Variants in GRID2 observed in about 807,000 individuals in gnomAD.
GRID2 encodes the protein glutamate receptor ionotropic, delta-2.
GRID2 carries 33 observed loss-of-function variants against 114.8 expected under a neutral mutation model. That is an observed-to-expected ratio of 0.29 (90% CI 0.22 to 0.38). GRID2 has a LOEUF of 0.38. Ranked by LOEUF, GRID2 falls within the 10% of genes least tolerant of loss-of-function variation. The pLI is 1.00. For missense variants in GRID2, 1,184 were observed against 1,257.7 expected (o/e 0.94, Z 0.89); for synonymous variants, 505 against 449.9 (o/e 1.12, Z -1.55).
At chr4:93,332,644 T>C in intron 8 of GRID2, among the ~76,000 whole-genome samples, 1 of 152,140 alleles carries the variant, frequency 6.6e-6, no homozygotes, top group East Asian at 1.9e-4. Context: ...TCCAATAATA[T>C]GTCACATTGT....
intron 1 of GRID2, among the ~76,000 whole-genome samples, chr4:92,554,843 G>A (rs953552119): frequency 7.2e-5 from 11 of 152,008 alleles, no homozygotes; most frequent in African/African-American, 2.7e-4. Context: ...ATGTATTTGT[G>A]TCATGTCAGA....
rs1384026624 is a variant in GRID2 at position 92,837,397 on chromosome 4, TA to T, written c.244+247112del. ...GAAACTATTGGGTCCGTTTCAACAC[TA>T]CCTTCAAAAAAATTGGGGAAAACTG... On this transcript the variant is annotated intron_variant, in intron 2 of 15. Transcript: ENST00000282020. Among the ~76,000 whole-genome samples the T allele has an allele frequency of 4.0e-5, 6 of 151,344 alleles. No individual in the cohort carries two copies. The Admixed American group carries it at 4.0e-4, about 10-fold the overall frequency.
chr4:93,469,394 AG>A (rs1204462429), intron 11 of GRID2, among the ~76,000 whole-genome samples: 1 of 152,056 alleles, frequency 6.6e-6, no homozygotes, highest in Non-Finnish European at 1.5e-5. Context: ...GAATTAAATA[AG>A]GCTTTCTTTT....
At chr4:92,560,932 T>C (rs1727075239) in intron 1 of GRID2, among the ~76,000 whole-genome samples, 1 of 152,134 alleles carries the variant, frequency 6.6e-6, no homozygotes, top group African/African-American at 2.4e-5. Context: ...GGTCTTGAAC[T>C]CCTGACCTCA....
rs551144811 is a variant in GRID2, at chr4:93,415,239, G to C, written c.1348-7532G>C. ...AGCTGCAATATGTTATATCTCGAAT[G>C]TATTTCTTGATAGCTTTCTTTAAGA... On this transcript the variant is annotated intron_variant, in intron 9 of 15. Coordinates refer to ENST00000282020, the MANE Select transcript of GRID2 (RefSeq NM_001510.4). Among the ~76,000 whole-genome samples the C allele has an allele frequency of 1.0e-3, 153 of 152,206 alleles. 1 individual carries two copies. The highest frequency in any genetic ancestry group is 3.6e-3 in the African/African-American group (150 of 41,570).
intron 2 of GRID2, among the ~76,000 whole-genome samples, chr4:92,620,846 G>C (rs1053352576): frequency 1.3e-5 from 2 of 151,228 alleles, no homozygotes. Context: ...AATGCTAAAT[G>C]ATGAGTTAAT....
chr4:93,014,188 G>C (rs950956891), intron 2 of GRID2, among the ~76,000 whole-genome samples: 10 of 151,956 alleles, frequency 6.6e-5, no homozygotes, highest in African/African-American at 2.4e-4. Context: ...CCACAGACTT[G>C]GTGGCTTATA....
chr4:93,142,616 T>C (rs1462887109), intron 4 of GRID2, among the ~76,000 whole-genome samples: 2 of 152,214 alleles, frequency 1.3e-5, no homozygotes, highest in Non-Finnish European at 2.9e-5. Flanking sequence ...CCTCAGATCA[T>C]AGAAAGTTAT....
chr4:93,291,198 T>C (rs1753724781), intron 8 of GRID2, among the ~76,000 whole-genome samples: 1 of 152,052 alleles, frequency 6.6e-6, no homozygotes, highest in African/African-American at 2.4e-5. Flanking sequence ...TTTAAAATAT[T>C]TTATATATAT....
intron 13 of GRID2, among the ~76,000 whole-genome samples, chr4:93,524,354 T>C (rs1486332878): frequency 2.0e-5 from 3 of 152,100 alleles, no homozygotes; most frequent in Non-Finnish European, 1.5e-5. Flanking sequence ...CCGATACCAC[T>C]GGCATATTTT....
At chr4:93,133,102 T>G (rs1443124737) in intron 4 of GRID2, among the ~76,000 whole-genome samples, 2 of 152,188 alleles carry the variant, frequency 1.3e-5, no homozygotes, top group Non-Finnish European at 2.9e-5. Context: ...CATCAACTAT[T>G]CCATCAACTA....
chr4:92,597,170 G>A (rs926900253), intron 2 of GRID2, among the ~76,000 whole-genome samples: 1 of 152,026 alleles, frequency 6.6e-6, no homozygotes, highest in Admixed American at 6.6e-5. Context: ...CATGGCTGAG[G>A]AGGCCTTAGA....
At chr4:93,420,257 TATTA>T in intron 9 of GRID2, among the ~76,000 whole-genome samples, 1 of 152,330 alleles carries the variant, frequency 6.6e-6, no homozygotes, top group Admixed American at 6.5e-5. Context: ...TTAAAAGCTA[TATTA>T]ATTATAGAAC....
At chr4:93,001,850 A>C (rs1721021084) in intron 2 of GRID2, among the ~76,000 whole-genome samples, 1 of 151,750 alleles carries the variant, frequency 6.6e-6, no homozygotes, top group Non-Finnish European at 1.5e-5. Context: ...ATGCTAGTGA[A>C]TGGCATGTCT....
intron 2 of GRID2, among the ~76,000 whole-genome samples, chr4:92,861,914 T>C (rs17019948): frequency 2.4e-4 from 37 of 152,058 alleles, no homozygotes; most frequent in Non-Finnish European, 4.7e-4. Flanking sequence ...TCACTTTATA[T>C]AATTATCTCT....
At chr4:93,019,878 A>AT (rs1723116343) in intron 2 of GRID2, among the ~76,000 whole-genome samples, 1 of 152,212 alleles carries the variant, frequency 6.6e-6, no homozygotes, top group South Asian at 2.1e-4. Context: ...TTATACATCC[A>AT]TAAAAATTAC....
At chr4:92,588,884 C>T (rs1264404329) in intron 1 of GRID2, among the ~76,000 whole-genome samples, 1 of 151,880 alleles carries the variant, frequency 6.6e-6, no homozygotes, top group Non-Finnish European at 1.5e-5. Flanking sequence ...AAGTGGATCA[C>T]GTGAGGTCAG....
intron 2 of GRID2, among the ~76,000 whole-genome samples, chr4:92,875,774 G>C (rs906083152): frequency 6.6e-6 from 1 of 152,080 alleles, no homozygotes; most frequent in Non-Finnish European, 1.5e-5. Context: ...TTTTAGGATA[G>C]TTAATTAAAT....
intron 1 of GRID2, among the ~76,000 whole-genome samples, chr4:92,542,375 T>C (rs7692235): frequency 0.44 from 67,163 of 151,960 alleles, 14,987 homozygotes; most frequent in Middle Eastern, 0.56. Flanking sequence ...TTTTACCTGC[T>C]TTCTTCACAG....
Sources: gnomAD v4.1 joint callset for allele counts (sites outside exome capture counted in the v4.1 genomes callset) on GRCh38, gnomAD v4.1.1 for gene constraint, MANE v1.5 for transcripts, NCBI Gene and HGNC (gene_info 2026-07-23, HGNC 2026-07-21) for gene names.